The following FBXO46 variants were observed in gnomAD, a reference collection of about 807,000 sequenced individuals.
The protein encoded by FBXO46 is F-box protein 46.
Under a neutral mutation model 30.7 loss-of-function variants are expected in FBXO46, and 13 were observed. The ratio of observed to expected loss-of-function variants is 0.42; its 90% CI spans 0.28 to 0.67. The LOEUF is 0.67. FBXO46 is among the 30% of genes least tolerant of loss of function. The pLI, the probability that FBXO46 is intolerant of heterozygous loss-of-function variation, is 0.21. For synonymous variants in FBXO46, 467 were observed against 385.8 expected, an observed-to-expected ratio of 1.21 and a Z score of -2.47; for missense variants, 754 against 871.5, an observed-to-expected ratio of 0.87 and a Z score of 1.70.
intron 1 of FBXO46, chr19:45,716,808 C>T (rs557064560): frequency 3.3e-5 from 5 of 152,328 alleles, no homozygotes; most frequent in African/African-American, 1.2e-4. Context: ...AATTCCTAAT[C>T]CTCCTCGGTC....
chr19:45,732,264 C>A (rs1482449545), upstream of FBXO46, among the ~76,000 whole-genome samples: 1 of 152,070 alleles, frequency 6.6e-6, no homozygotes, highest in African/African-American at 2.4e-5. Flanking sequence ...CTACAGACAA[C>A]CCTGGTAGGA....
At chr19:45,726,619 G>C (rs1450149114) in intron 1 of FBXO46, among the ~76,000 whole-genome samples, 1 of 152,002 alleles carries the variant, frequency 6.6e-6, no homozygotes, top group Admixed American at 6.6e-5. Context: ...CTGCACTCCA[G>C]CCTGGGCAAC....
chr19:45,717,791 CGGGCTGAGGATTTCCGCGGGGGGA>C (rs1457668222), intron 1 of FBXO46, among the ~76,000 whole-genome samples: 1 of 121,898 alleles, frequency 8.2e-6, no homozygotes. Context: ...GGGCGGGGGG[CGGGCTGAGGATTTCCGCGGGGGGA>C]ATTGGGCATC....
intron 1 of FBXO46, chr19:45,723,529 CTT>C (rs1414814378): frequency 2.0e-5 from 3 of 152,206 alleles, no homozygotes; most frequent in Non-Finnish European, 4.4e-5. Context: ...GGCACTCTGG[CTT>C]TTTCATTTTA....
chr19:45,727,028 C>A (rs961685029), intron 1 of FBXO46, among the ~76,000 whole-genome samples: 1 of 151,988 alleles, frequency 6.6e-6, no homozygotes, highest in African/African-American at 2.4e-5. Flanking sequence ...GAGGCCTAGG[C>A]GGGTGGATCA....
chr19:45,730,887 T>TC lies in FBXO46; in HGVS notation c.-118dup. 6.6e-6 allele frequency: 1 copy of TC among 152,354 alleles called. No homozygotes were observed. Among genetic ancestry groups the TC allele is most frequent in the Non-Finnish European group, 1.5e-5 (1 of 68,172 alleles). 9.4% of individuals were successfully genotyped at this position (152,354 alleles called of 1,614,324 possible). A position where few individuals can be genotyped will look rare whatever the true frequency, so the allele number is the denominator to read the frequency against. On this transcript the variant is annotated 5_prime_UTR_variant, in exon 1 of 2. Transcript: ENST00000317683. Reference sequence around the variant, plus strand: ...TGCATCTCCCTCGGCTACGCGGGTTTCCCCCACTCGCTCCTCTCCAGCCTC... The same window carrying TC: ...TGCATCTCCCTCGGCTACGCGGGTTTCCCCCCACTCGCTCCTCTCCAGCCTC...
chr19:45,728,696 C>A (rs952832695), intron 1 of FBXO46, among the ~76,000 whole-genome samples: 26 of 152,052 alleles, frequency 1.7e-4, no homozygotes, highest in Non-Finnish European at 4.4e-5. Flanking sequence ...AAAAAATTAG[C>A]CGTGTGTAAT....
At chr19:45,717,246 G>GC (rs1568547124) in intron 1 of FBXO46, 1 of 139,180 alleles carries the variant, frequency 7.2e-6, no homozygotes, top group South Asian at 2.3e-4. Context: ...ACCTACACAC[G>GC]CCCCCAAAGA....
At chr19:45,728,368 T>C (rs892074847) in intron 1 of FBXO46, among the ~76,000 whole-genome samples, 11 of 152,208 alleles carry the variant, frequency 7.2e-5, no homozygotes, top group Admixed American at 2.6e-4. Context: ...TCTACTGCCT[T>C]CTCTTTCCCA....
upstream of FBXO46, among the ~76,000 whole-genome samples, chr19:45,731,062 G>T (rs1248154254): frequency 6.6e-6 from 1 of 152,216 alleles, no homozygotes; most frequent in Non-Finnish European, 1.5e-5. Context: ...GAACTCCCGG[G>T]AGACAAAGCC....
At chr19:45,727,373 G>C (rs889097146) in intron 1 of FBXO46, among the ~76,000 whole-genome samples, 7 of 151,988 alleles carry the variant, frequency 4.6e-5, no homozygotes, top group African/African-American at 1.7e-4. Context: ...GCCTGGCCAA[G>C]ATGGTGAAAC....
intron 1 of FBXO46, among the ~76,000 whole-genome samples, chr19:45,727,848 T>C (rs1285744488): frequency 2.6e-5 from 4 of 152,178 alleles, no homozygotes; most frequent in Admixed American, 2.6e-4. Context: ...AAAACCTAGT[T>C]AGAAATATTT....
rs1406492479 is a variant in FBXO46, at chr19:45,712,527, C to T, written c.969G>A (p.Val323=). The stretch of plus-strand genomic sequence containing the variant: ...CATCCGCCCTGGCCAGCAGGAACTC[C>T]ACGTTGCTGGGGAGGGCATCCCGCG... The part of the protein sequence containing the change: ...SPSRDALPSN[V]EFLLARADEA... The change falls in exon 2 of 2, where the codon GTG becomes GTA. Residue 323 remains valine, a synonymous_variant. Coordinates refer to ENST00000317683, the MANE Select transcript of FBXO46 (RefSeq NM_001080469.2). The surrounding 1 kb of genome is among the most constrained non-coding windows in gnomAD (Gnocchi z 8.8). 1 of 1,601,592 alleles carries T rather than the reference C, an allele frequency of 6.2e-7. No homozygotes were observed. Among genetic ancestry groups the T allele is most frequent in the Admixed American group, 1.7e-5 (1 of 58,748 alleles).
upstream of FBXO46, among the ~76,000 whole-genome samples, chr19:45,732,992 T>A (rs16979985): frequency 0.023 from 3,432 of 152,190 alleles, 127 homozygotes; most frequent in African/African-American, 0.078. Flanking sequence ...GGGAAGACAG[T>A]GGCTAAGTTC....
chr19:45,732,301 A>G (rs1287042061), upstream of FBXO46, among the ~76,000 whole-genome samples: 3 of 152,118 alleles, frequency 2.0e-5, no homozygotes. Flanking sequence ...TATAAGGCAG[A>G]AAGAGATTAA....
In FBXO46 at chr19:45,711,849, G is replaced by A; in HGVS notation, c.1647C>T (p.Pro549=). Residue 549 remains proline (P), a synonymous_variant, in exon 2 of 2, where the codon CCC becomes CCT. Coordinates refer to ENST00000317683, the MANE Select transcript of FBXO46 (RefSeq NM_001080469.2). ...KGDVSLCRWH[P]KPYHHDLPYG... is the part of the protein sequence containing the mutation. ...AAGGCAGGTCATGGTGGTAGGGCTT[G>A]GGGTGCCAGCGGCAGAGCGACACGT... The A allele has an allele frequency of 6.2e-7, 1 of 1,613,638 alleles. No homozygotes were observed. The highest frequency in any genetic ancestry group is 8.5e-7 in the Non-Finnish European group (1 of 1,179,774).
In FBXO46 at chr19:45,725,783, T is replaced by C. The variant is rs142998042; in HGVS notation, c.-79+5066A>G. On this transcript the variant is annotated intron_variant, in intron 1 of 1. Transcript: ENST00000317683. The stretch of plus-strand genomic sequence containing the variant: ...ATAAACACATGGACTACTTAAGGAA[T>C]GAACCCCATTTTCCAGATTCAAAGT... Among the ~76,000 whole-genome samples the C allele has an allele frequency of 2.0e-3, 307 of 152,298 alleles. 3 individuals are homozygous for C. Among genetic ancestry groups the C allele is most frequent in the African/African-American group, 7.1e-3 (297 of 41,568 alleles).
intron 1 of FBXO46, among the ~76,000 whole-genome samples, chr19:45,727,684 G>GCT (rs1231257618): frequency 6.6e-6 from 1 of 152,116 alleles, no homozygotes; most frequent in Non-Finnish European, 1.5e-5. Context: ...TCAACCATAA[G>GCT]CTTACTATCA....
rs1555780758 is a variant in FBXO46, at chr19:45,715,821, A to AAG, written c.-78-2249_-78-2248insCT. The AAG allele has an allele frequency of 2.6e-5, 4 of 151,194 alleles. No individual in the cohort carries two copies. In the East Asian group the frequency reaches 7.7e-4, roughly 29 times the overall value. The allele number at this position is 151,194 out of a possible 1,614,324, so 9.4% of individuals were successfully genotyped here. A position where few individuals can be genotyped will look rare whatever the true frequency, so the allele number is the denominator to read the frequency against. The stretch of plus-strand genomic sequence containing the variant: ...AACTCCATCTCAAAAAAAAAAAAAA[A>AAG]AAAAAGAAAGAAAACAAAACAAAAT... On this transcript the variant is annotated intron_variant, in intron 1 of 1. Transcript: ENST00000317683.
Sources: allele counts gnomAD v4.1 joint callset (sites outside exome capture counted in the v4.1 genomes callset), GRCh38; gene constraint gnomAD v4.1.1; non-coding constraint Gnocchi (gnomAD v3.1); transcripts MANE v1.5; gene names NCBI Gene and HGNC (gene_info 2026-07-23, HGNC 2026-07-21).